The following NOP9 variants were observed in gnomAD, a reference collection of about 807,000 sequenced individuals.
NOP9 encodes NOP9 nucleolar protein.
Under a neutral mutation model 63.0 loss-of-function variants are expected in NOP9, and 50 were observed. The observed-to-expected ratio is 0.79, with a 90% CI of 0.63 to 1.00. The LOEUF (loss-of-function observed/expected upper bound fraction) is 1.00. Among genes scored for constraint, NOP9 ranks in the 50% least tolerant of loss-of-function variants. The probability of loss-of-function intolerance (pLI) is 0.00; values close to 1 mark genes in which losing one functional copy is unlikely to be tolerated. For missense variants in NOP9, 758 were observed against 803.0 expected (o/e 0.94, Z 0.68); for synonymous variants, 343 against 332.8 (o/e 1.03, Z -0.33).
chr14:24,278,095 C>T, the NOP9 span, among the ~76,000 whole-genome samples: 3 of 152,184 alleles, frequency 2.0e-5, no homozygotes, highest in African/African-American at 7.2e-5. Flanking sequence ...TTCTTTATAA[C>T]TCTGACCATC....
At chr14:24,300,941 C>T in intron 2 of NOP9, 84 bp downstream of exon 2, 1 of 1,121,984 alleles carries the variant, frequency 8.9e-7, no homozygotes, top group Non-Finnish European at 1.3e-6. Flanking sequence ...AAGAGTAAGT[C>T]TTCATGGGGG....
At chr14:24,285,185 A>G in the NOP9 span, among the ~76,000 whole-genome samples, 4 of 152,324 alleles carry the variant, frequency 2.6e-5, no homozygotes, top group East Asian at 7.7e-4. Context: ...TCCATGTGAC[A>G]TGCATCTCAC....
the NOP9 span, chr14:24,292,559 T>C: frequency 1.2e-6 from 2 of 1,604,584 alleles, no homozygotes; most frequent in Non-Finnish European, 1.7e-6. Context: ...GGAGCCAGCC[T>C]TACCATTCTG....
Position 24,307,114 on chromosome 14 carries a change from C to A in NOP9, c.*2019C>A. ...GAACTTGATTTGTCACACAAATCACCTTTCCATACTAGCTTCTGAATTCTG... is the reference window on the plus strand; with the variant it reads ...GAACTTGATTTGTCACACAAATCACATTTCCATACTAGCTTCTGAATTCTG... On this transcript the variant is annotated 3_prime_UTR_variant, in exon 10 of 10. Coordinates refer to ENST00000267425, the MANE Select transcript of NOP9 (RefSeq NM_174913.3). 1 of 386,238 alleles carries A rather than the reference C, an allele frequency of 2.6e-6. No individual in the cohort carries two copies. The highest frequency in any genetic ancestry group is 4.7e-6 in the Non-Finnish European group (1 of 214,292). The allele number at this position is 386,238 out of a possible 1,614,324, so 23.9% of individuals were successfully genotyped here.
chr14:24,304,787 C>T (rs2041449592), intron 9 of NOP9, 151 bp from the exon 10 acceptor site: 4 of 991,554 alleles, frequency 4.0e-6, no homozygotes, highest in South Asian at 3.5e-5. Flanking sequence ...CTGCCCTCAC[C>T]CTGCCCTCTG....
rs749522698 is a variant in NOP9 at position 24,306,095 on chromosome 14, G to T, written c.*1000G>T. ...GTGAATCGGGCGATGTCCTTGCTGT[G>T]CTTGGGCCTCTCCCGTCCCAGGCCA... On this transcript the variant is annotated 3_prime_UTR_variant, in exon 10 of 10. Transcript: ENST00000267425. 49 of 1,613,978 alleles carry T rather than the reference G, an allele frequency of 3.0e-5. 1 individual carries two copies. In the South Asian group the frequency reaches 4.8e-4, roughly 16 times the overall value.
At chr14:24,293,504 G>A in the NOP9 span, 1 of 152,182 alleles carries the variant, frequency 6.6e-6, no homozygotes, top group Non-Finnish European at 1.5e-5. Context: ...AGCCCAGGAG[G>A]CGGAGGTTGC....
chr14:24,279,829 T>C, the NOP9 span, among the ~76,000 whole-genome samples: 2 of 152,172 alleles, frequency 1.3e-5, no homozygotes, highest in Non-Finnish European at 2.9e-5. Context: ...GTTTTGGGCA[T>C]ATATGATGTG....
At chr14:24,303,284 C>CT (rs751268243) in intron 6 of NOP9, 70 bp downstream of exon 6, 167 of 1,595,072 alleles carry the variant, frequency 1.0e-4, no homozygotes, top group Admixed American at 1.3e-4. Context: ...CTTATCTAAT[C>CT]TTAAGTTTTT....
intron 2 of NOP9, 171 bp from the exon 3 acceptor site, chr14:24,301,441 G>C (rs997245517): frequency 1.6e-5 from 6 of 369,232 alleles, no homozygotes; most frequent in Non-Finnish European, 2.2e-5. Flanking sequence ...AAGTTTCTTA[G>C]AAAAATTAAG....
At chr14:24,299,567 C>T, upstream of NOP9, 1 of 238,042 alleles carries the variant, frequency 4.2e-6, no homozygotes, top group Non-Finnish European at 8.2e-6. Context: ...GTGGGACGAG[C>T]GTGCGCCGCT....
At chr14:24,297,549 G>C (rs2041272504), upstream of NOP9, among the ~76,000 whole-genome samples, 1 of 152,134 alleles carries the variant, frequency 6.6e-6, no homozygotes, top group South Asian at 2.1e-4. Flanking sequence ...CGACTCACCT[G>C]ACCTCCAGTC....
chr14:24,283,888 G>A, the NOP9 span, among the ~76,000 whole-genome samples: 9 of 152,260 alleles, frequency 5.9e-5, no homozygotes, highest in Non-Finnish European at 1.2e-4. Flanking sequence ...CTTAGCCCCT[G>A]CTCAGTCCTG....
chr14:24,305,465 A>T lies in NOP9; in HGVS notation c.*370A>T, dbSNP rs2041468481. ...CTTCAGGTAAGGGTATAGACTTGGGATGTGAGGCGTTATGCTGAAAGGTTC... is the reference window on the plus strand; with the variant it reads ...CTTCAGGTAAGGGTATAGACTTGGGTTGTGAGGCGTTATGCTGAAAGGTTC... On this transcript the variant is annotated 3_prime_UTR_variant, in exon 10 of 10. Coordinates refer to ENST00000267425, the MANE Select transcript of NOP9 (RefSeq NM_174913.3). 1.3e-6 allele frequency: 1 copy of T among 773,254 alleles called. No individual in the cohort carries two copies. The highest frequency in any genetic ancestry group is 1.7e-5 in the African/African-American group (1 of 57,572). 47.9% of individuals were successfully genotyped at this position (773,254 alleles called of 1,614,324 possible).
At chr14:24,291,523 CCTTT>C in the NOP9 span, 22 of 1,610,854 alleles carry the variant, frequency 1.4e-5, no homozygotes, top group Admixed American at 2.3e-4. Context: ...TCCTCCATGC[CCTTT>C]CTTATTACCA....
chr14:24,305,706 A>G lies in NOP9; in HGVS notation c.*611A>G, dbSNP rs2041480256. On this transcript the variant is annotated 3_prime_UTR_variant, in exon 10 of 10. Transcript: ENST00000267425. ...CACTGCATGACGAAGGGTGGAGGAAATTCCCAGCAACATATGGCCCAGGCC... is the reference window on the plus strand; with the variant it reads ...CACTGCATGACGAAGGGTGGAGGAAGTTCCCAGCAACATATGGCCCAGGCC... 1.2e-6 allele frequency: 2 copies of G among 1,614,066 alleles called. No individual in the cohort carries two copies. Among genetic ancestry groups the G allele is most frequent in the African/African-American group, 1.3e-5 (1 of 74,928 alleles).
intron 1 of NOP9, 43 bp from the exon 2 acceptor site, chr14:24,300,365 C>T (rs1372417476): frequency 1.3e-6 from 2 of 1,580,630 alleles, no homozygotes; most frequent in Admixed American, 3.5e-5. Context: ...TAACTGTATT[C>T]TCTACTAAGT....
At chr14:24,286,459 G>A in the NOP9 span, among the ~76,000 whole-genome samples, 2 of 152,268 alleles carry the variant, frequency 1.3e-5, no homozygotes, top group East Asian at 1.9e-4. Context: ...ATGATTTTAC[G>A]TTTCTGCTTA....
the NOP9 span, chr14:24,292,498 G>A: frequency 6.7e-7 from 1 of 1,497,488 alleles, no homozygotes; most frequent in Non-Finnish European, 9.1e-7. Flanking sequence ...CCAACCAAGA[G>A]GAGCACAAGC....
Sources: allele counts gnomAD v4.1 joint callset (sites outside exome capture counted in the v4.1 genomes callset), GRCh38; gene constraint gnomAD v4.1.1; transcripts MANE v1.5; gene names NCBI Gene and HGNC (gene_info 2026-07-23, HGNC 2026-07-21).